The following JAKMIP2 variants were observed in gnomAD, a reference collection of about 807,000 sequenced individuals.
JAKMIP2 encodes the protein janus kinase and microtubule-interacting protein 2.
A neutral mutation model predicts 115.0 loss-of-function variants in JAKMIP2; 25 were observed. The ratio of observed to expected loss-of-function variants is 0.22; its 90% CI spans 0.16 to 0.30. The LOEUF is 0.30. JAKMIP2 is among the 10% of genes least tolerant of loss of function. The pLI, the probability that JAKMIP2 is intolerant of heterozygous loss-of-function variation, is 1.00. For synonymous variants in JAKMIP2, 334 were observed against 343.6 expected, an observed-to-expected ratio of 0.97 and a Z score of 0.31; for missense variants, 642 against 957.6, an observed-to-expected ratio of 0.67 and a Z score of 4.35.
intron 8 of JAKMIP2, 39 bp downstream of exon 8, chr5:147,641,669 G>T (rs186215158): frequency 1.2e-5 from 18 of 1,451,778 alleles, no homozygotes; most frequent in Admixed American, 3.4e-5. Flanking sequence ...CTCTCTGGCT[G>T]TTTGTGGCAA....
At chr5:147,612,442 T>C in intron 19 of JAKMIP2, 71 bp from the exon 20 acceptor site, 1 of 884,270 alleles carries the variant, frequency 1.1e-6, no homozygotes, top group Non-Finnish European at 1.7e-6. Flanking sequence ...ATTTACCAAA[T>C]GAAAACACGA....
At chr5:147,658,817 C>A (rs181380955) in intron 3 of JAKMIP2, among the ~76,000 whole-genome samples, 1 of 152,226 alleles carries the variant, frequency 6.6e-6, no homozygotes, top group East Asian at 1.9e-4. Flanking sequence ...CTCCCAGTCG[C>A]CTTAGCACAG....
intron 1 of JAKMIP2, among the ~76,000 whole-genome samples, chr5:147,748,052 C>A (rs1381424571): frequency 6.6e-6 from 1 of 152,116 alleles, no homozygotes; most frequent in Non-Finnish European, 1.5e-5. Flanking sequence ...TGAGACTATT[C>A]CGAGCACTCT....
In JAKMIP2 at chr5:147,585,540, A is replaced by G. The variant is rs1754832412; in HGVS notation, c.*6167T>C. ...AAATTATAAAATAACCATTCATAAA[A>G]CTTTACATACAGTAAGTTGATTCCA... On this transcript the variant is annotated 3_prime_UTR_variant, in exon 22 of 22. Coordinates refer to ENST00000616793, the MANE Select transcript of JAKMIP2 (RefSeq NM_001270941.2). The G allele has an allele frequency of 6.6e-6, 1 of 152,248 alleles. No individual in the cohort carries two copies. The highest frequency in any genetic ancestry group is 2.4e-5 in the African/African-American group (1 of 41,468). 9.4% of individuals were successfully genotyped at this position (152,248 alleles called of 1,614,324 possible).
chr5:147,765,040 GAA>G lies in JAKMIP2; in HGVS notation c.-149+17414_-149+17415del, dbSNP rs576063787. Among the ~76,000 whole-genome samples the G allele has an allele frequency of 1.4e-3, 189 of 138,766 alleles. 2 individuals are homozygous for G. Among genetic ancestry groups the G allele is most frequent in the African/African-American group, 5.0e-3 (182 of 36,730 alleles). The allele number at this position is 138,766 out of a possible 152,430, so 91.0% of individuals were successfully genotyped here. The stretch of plus-strand genomic sequence containing the variant: ...GGAGACAGAGAGAGAGAGAAAGAAA[GAA>G]AGAGAGAAGAGAGAAGGAAGGAAGG... On this transcript the variant is annotated intron_variant, in intron 1 of 21. Transcript: ENST00000616793.
At chr5:147,739,839 G>A (rs1013403009) in intron 1 of JAKMIP2, among the ~76,000 whole-genome samples, 1 of 152,012 alleles carries the variant, frequency 6.6e-6, no homozygotes, top group African/African-American at 2.4e-5. Flanking sequence ...AAGTTAGACT[G>A]TCTGTGATTT....
intron 1 of JAKMIP2, among the ~76,000 whole-genome samples, chr5:147,781,635 G>A (rs1288852030): frequency 1.3e-5 from 2 of 151,968 alleles, no homozygotes; most frequent in African/African-American, 4.8e-5. Flanking sequence ...TGTTCCAATC[G>A]GTCACAATGA....
intron 20 of JAKMIP2, among the ~76,000 whole-genome samples, chr5:147,604,800 T>TTTTTTA (rs1160553046): frequency 3.2e-4 from 46 of 143,548 alleles, no homozygotes; most frequent in Admixed American, 9.2e-4. Context: ...GGCCAGACAT[T>TTTTTTA]TTATTATTAT....
chr5:147,596,581 C>T (rs1223617460), intron 21 of JAKMIP2, among the ~76,000 whole-genome samples: 1 of 152,174 alleles, frequency 6.6e-6, no homozygotes, highest in African/African-American at 2.4e-5. Flanking sequence ...CCCAGCTATT[C>T]ATTCATCCAT....
At chr5:147,602,655 G>A (rs1315695033) in intron 20 of JAKMIP2, among the ~76,000 whole-genome samples, 11 of 152,100 alleles carry the variant, frequency 7.2e-5, no homozygotes, top group South Asian at 4.1e-4. Flanking sequence ...ATAACTAACC[G>A]TATACTAACT....
intron 1 of JAKMIP2, among the ~76,000 whole-genome samples, chr5:147,753,549 T>A (rs569324863): frequency 6.6e-6 from 1 of 152,328 alleles, no homozygotes; most frequent in African/African-American, 2.4e-5. Context: ...CACGATATGG[T>A]CAAGTCTGAT....
chr5:147,590,862 T>C lies in JAKMIP2; in HGVS notation c.*845A>G, dbSNP rs943914894. 1 of 152,180 alleles carries C rather than the reference T, an allele frequency of 6.6e-6. No homozygotes were observed. The highest frequency in any genetic ancestry group is 1.5e-5 in the Non-Finnish European group (1 of 68,052). 9.4% of individuals were successfully genotyped at this position (152,180 alleles called of 1,614,324 possible). A position where few individuals can be genotyped will look rare whatever the true frequency, so the allele number is the denominator to read the frequency against. The stretch of plus-strand genomic sequence containing the variant: ...ATGAATGAGATCAGTCCATTGTTGA[T>C]AGAGGAATGCAGATGTGAGAGTAGG... On this transcript the variant is annotated 3_prime_UTR_variant, in exon 22 of 22. Coordinates refer to ENST00000616793, the MANE Select transcript of JAKMIP2 (RefSeq NM_001270941.2).
chr5:147,731,102 C>T (rs142490775), intron 1 of JAKMIP2, among the ~76,000 whole-genome samples: 1 of 152,066 alleles, frequency 6.6e-6, no homozygotes, highest in Non-Finnish European at 1.5e-5. Flanking sequence ...AGTGAGTGTC[C>T]CCGGCCAGAT....
rs1754922112 is a variant in JAKMIP2, at chr5:147,587,471, C to G, written c.*4236G>C. ...GTGTGTATTCTGTGCCACTCTTTGA[C>G]AGATTGAAATAATGCAATTAAATAT... On this transcript the variant is annotated 3_prime_UTR_variant, in exon 22 of 22. Transcript: ENST00000616793. 1 of 151,766 alleles carries G rather than the reference C, an allele frequency of 6.6e-6. No individual in the cohort carries two copies. The highest frequency in any genetic ancestry group is 6.6e-5 in the Admixed American group (1 of 15,214). The allele number at this position is 151,766 out of a possible 1,614,324, so 9.4% of individuals were successfully genotyped here. A position where few individuals can be genotyped will look rare whatever the true frequency, so the allele number is the denominator to read the frequency against.
At chr5:147,644,250 T>G (rs1758018740) in intron 6 of JAKMIP2, 52 bp from the exon 7 acceptor site, 6 of 1,442,086 alleles carry the variant, frequency 4.2e-6, no homozygotes, top group Admixed American at 4.5e-5. Flanking sequence ...ACCTCAAACT[T>G]TGGTTGTTAA....
intron 19 of JAKMIP2, among the ~76,000 whole-genome samples, chr5:147,615,856 C>G (rs1756547696): frequency 6.6e-6 from 1 of 152,012 alleles, no homozygotes; most frequent in African/African-American, 2.4e-5. Flanking sequence ...ATGATGGAGT[C>G]AGATTCACAC....
chr5:147,749,566 A>G (rs1053284990), intron 1 of JAKMIP2, among the ~76,000 whole-genome samples: 1 of 152,152 alleles, frequency 6.6e-6, no homozygotes, highest in Admixed American at 6.5e-5. Context: ...AGTTGTGCAT[A>G]TATCACACAC....
chr5:147,662,287 T>A (rs972330761), intron 2 of JAKMIP2, among the ~76,000 whole-genome samples: 1 of 152,094 alleles, frequency 6.6e-6, no homozygotes, highest in Non-Finnish European at 1.5e-5. Flanking sequence ...GCCATGAATG[T>A]CTCTTTGAGT....
chr5:147,620,384 G>T (rs1283388143), intron 18 of JAKMIP2, among the ~76,000 whole-genome samples: 7 of 152,028 alleles, frequency 4.6e-5, no homozygotes, highest in Non-Finnish European at 7.4e-5. Flanking sequence ...CAAAAGTGCT[G>T]GGATTACATG....
Sources: gnomAD v4.1 joint callset for allele counts (sites outside exome capture counted in the v4.1 genomes callset) on GRCh38, gnomAD v4.1.1 for gene constraint, MANE v1.5 for transcripts, NCBI Gene and HGNC (gene_info 2026-07-23, HGNC 2026-07-21) for gene names.